The following NKAIN2 variants were observed in gnomAD, a reference collection of about 807,000 sequenced individuals.
NKAIN2 encodes the protein sodium/potassium transporting ATPase interacting 2.
Under a neutral mutation model 32.6 loss-of-function variants are expected in NKAIN2, and 14 were observed. The ratio of observed to expected loss-of-function variants is 0.43; its 90% CI spans 0.28 to 0.67. NKAIN2 has a LOEUF of 0.67. Ranked by LOEUF, NKAIN2 falls within the 30% of genes least tolerant of loss-of-function variation. NKAIN2 has a pLI of 0.17. For missense variants in NKAIN2, 198 were observed against 258.3 expected (o/e 0.77, Z 1.60); for synonymous variants, 80 against 87.2 (o/e 0.92, Z 0.46).
At chr6:124,445,020 C>T (rs1284899457) in intron 3 of NKAIN2, among the ~76,000 whole-genome samples, 1 of 151,912 alleles carries the variant, frequency 6.6e-6, no homozygotes, top group Non-Finnish European at 1.5e-5. Context: ...GGAATACATA[C>T]CTCAAAATGC....
At chr6:124,581,458 A>G (rs1234434439) in intron 3 of NKAIN2, among the ~76,000 whole-genome samples, 3 of 150,978 alleles carry the variant, frequency 2.0e-5, no homozygotes, top group African/African-American at 4.8e-5. Context: ...AAAAAAAAAA[A>G]AAAAAAAAAA....
chr6:124,636,045 G>A lies in NKAIN2; in HGVS notation c.274-22141G>A, dbSNP rs548926513. 2.1e-3 allele frequency among the ~76,000 whole-genome samples: 322 copies of A among 151,962 alleles called. 1 individual carries two copies. The highest frequency in any genetic ancestry group is 7.2e-3 in the African/African-American group (298 of 41,508). On this transcript the variant is annotated intron_variant, in intron 3 of 6. Transcript: ENST00000368417. Reference sequence around the variant, plus strand: ...CAGGATAGAGCATATGTTGGGCCACGAAACAAGTCTCAGCAAATTTTTAAA... The same window carrying A: ...CAGGATAGAGCATATGTTGGGCCACAAAACAAGTCTCAGCAAATTTTTAAA...
intron 4 of NKAIN2, among the ~76,000 whole-genome samples, chr6:124,766,243 C>T (rs1217219106): frequency 6.6e-6 from 1 of 152,098 alleles, no homozygotes; most frequent in Admixed American, 6.5e-5. Flanking sequence ...TCTCTAAGAC[C>T]CTCGTTTAAA....
At chr6:124,403,246 C>T (rs562333123) in intron 3 of NKAIN2, among the ~76,000 whole-genome samples, 2 of 151,978 alleles carry the variant, frequency 1.3e-5, no homozygotes, top group East Asian at 1.9e-4. Flanking sequence ...TGATGCTAAA[C>T]GTTCTCTTTT....
At chr6:124,036,442 A>C (rs1302703332) in intron 1 of NKAIN2, among the ~76,000 whole-genome samples, 1 of 152,054 alleles carries the variant, frequency 6.6e-6, no homozygotes, top group African/African-American at 2.4e-5. Context: ...GTCTAGTCAA[A>C]ATATTTTTAT....
chr6:124,360,078 T>G (rs1562513205), intron 3 of NKAIN2, among the ~76,000 whole-genome samples: 1 of 152,214 alleles, frequency 6.6e-6, no homozygotes, highest in Non-Finnish European at 1.5e-5. Context: ...ATTACGTATA[T>G]TGATTTGCGA....
intron 1 of NKAIN2, among the ~76,000 whole-genome samples, chr6:123,827,773 T>A (rs1774208604): frequency 6.6e-6 from 1 of 151,898 alleles, no homozygotes; most frequent in East Asian, 1.9e-4. Flanking sequence ...GAGACAAAGG[T>A]AGGGATAAAG....
chr6:123,939,399 T>C (rs968978225), intron 1 of NKAIN2, among the ~76,000 whole-genome samples: 3 of 151,870 alleles, frequency 2.0e-5, no homozygotes, highest in Non-Finnish European at 4.4e-5. Context: ...TCATAACCCA[T>C]TTACTCTGGG....
chr6:124,209,572 A>C (rs1791067013), intron 1 of NKAIN2, among the ~76,000 whole-genome samples: 1 of 151,832 alleles, frequency 6.6e-6, no homozygotes, highest in East Asian at 1.9e-4. Flanking sequence ...ACATTCCACC[A>C]ATAGTATACA....
At chr6:124,383,877 C>A (rs1317409310) in intron 3 of NKAIN2, among the ~76,000 whole-genome samples, 2 of 152,166 alleles carry the variant, frequency 1.3e-5, no homozygotes, top group Non-Finnish European at 2.9e-5. Flanking sequence ...GGCTTTAAAT[C>A]TTGGCTCTTC....
At chr6:123,941,829 A>G (rs1776840877) in intron 1 of NKAIN2, among the ~76,000 whole-genome samples, 1 of 151,766 alleles carries the variant, frequency 6.6e-6, no homozygotes, top group Admixed American at 6.6e-5. Context: ...CTTTCCTGTC[A>G]TACTTTAGGC....
At chr6:124,668,485 C>G (rs1348108137) in intron 4 of NKAIN2, among the ~76,000 whole-genome samples, 1 of 152,082 alleles carries the variant, frequency 6.6e-6, no homozygotes, top group Non-Finnish European at 1.5e-5. Flanking sequence ...TTCGTCTTTA[C>G]TTTCCCTACC....
intron 3 of NKAIN2, among the ~76,000 whole-genome samples, chr6:124,481,254 GA>G (rs1777437883): frequency 6.7e-6 from 1 of 149,928 alleles, no homozygotes; most frequent in Admixed American, 6.7e-5. Flanking sequence ...AAGATAGGAA[GA>G]AAAAATATTA....
At chr6:124,616,920 TCCAG>T (rs1782927414) in intron 3 of NKAIN2, among the ~76,000 whole-genome samples, 1 of 152,026 alleles carries the variant, frequency 6.6e-6, no homozygotes, top group African/African-American at 2.4e-5. Flanking sequence ...AAAGAATGAC[TCCAG>T]TCATGATATG....
intron 3 of NKAIN2, among the ~76,000 whole-genome samples, chr6:124,358,708 C>T (rs1351380278): frequency 2.0e-5 from 3 of 151,822 alleles, no homozygotes; most frequent in African/African-American, 7.3e-5. Flanking sequence ...CAAATTTTCT[C>T]CCATGTTGTA....
intron 1 of NKAIN2, among the ~76,000 whole-genome samples, chr6:124,236,340 G>C (rs1458392900): frequency 6.6e-6 from 1 of 152,050 alleles, no homozygotes; most frequent in African/African-American, 2.4e-5. Flanking sequence ...TTCTCTCAAA[G>C]TCAAAACAAG....
At position 124,281,763 on chromosome 6, in the gene NKAIN2, A is replaced by G. The variant is rs573552844; in HGVS notation, c.55-1242A>G. On this transcript the variant is annotated intron_variant, in intron 1 of 6. Transcript: ENST00000368417. The stretch of plus-strand genomic sequence containing the variant: ...TGCTACTCAGCTAAAGAACTGCAGT[A>G]GGAATAATGATCATTCAAGATGTCT... Among the ~76,000 whole-genome samples the G allele has an allele frequency of 4.6e-5, 7 of 152,362 alleles. No homozygotes were observed. In the East Asian group the frequency reaches 1.4e-3, roughly 29 times the overall value.
intron 1 of NKAIN2, among the ~76,000 whole-genome samples, chr6:124,196,672 C>T (rs1008052572): frequency 6.6e-6 from 1 of 151,972 alleles, no homozygotes; most frequent in Non-Finnish European, 1.5e-5. Context: ...TTTCACAGTC[C>T]ATCCTCACAA....
At chr6:124,805,633 C>A (rs1347174588) in intron 5 of NKAIN2, among the ~76,000 whole-genome samples, 2 of 152,172 alleles carry the variant, frequency 1.3e-5, no homozygotes, top group Admixed American at 1.3e-4. Context: ...TGGAACAAAG[C>A]TGGATGGAGA....
Sources: gnomAD v4.1 joint callset for allele counts (sites outside exome capture counted in the v4.1 genomes callset) on GRCh38, gnomAD v4.1.1 for gene constraint, MANE v1.5 for transcripts, NCBI Gene and HGNC (gene_info 2026-07-23, HGNC 2026-07-21) for gene names.